PHF20: variants seen among roughly 807,000 people sequenced by gnomAD.
The protein encoded by PHF20 is glioma-expressed antigen 2.
Under a neutral mutation model 113.5 loss-of-function variants are expected in PHF20, and 23 were observed. The ratio of observed to expected loss-of-function variants is 0.20; its 90% CI spans 0.15 to 0.29. The LOEUF is 0.29. Ranked by LOEUF, PHF20 falls within the 10% of genes least tolerant of loss-of-function variation. The pLI, the probability that PHF20 is intolerant of heterozygous loss-of-function variation, is 1.00. For missense variants in PHF20, 943 were observed against 1,219.6 expected (o/e 0.77, Z 3.38); for synonymous variants, 434 against 457.3 (o/e 0.95, Z 0.65).
At chr20:35,858,495 C>A in intron 5 of PHF20, 114 bp downstream of exon 5, 1 of 583,502 alleles carries the variant, frequency 1.7e-6, no homozygotes, top group Non-Finnish European at 3.0e-6. Context: ...TTTCCTCCAT[C>A]TGACACAATT....
chr20:35,898,881 G>T (rs2055041218), intron 9 of PHF20, among the ~76,000 whole-genome samples: 1 of 152,116 alleles, frequency 6.6e-6, no homozygotes, highest in African/African-American at 2.4e-5. Context: ...AAAGTGCTGG[G>T]ATTACAGGTG....
At chr20:35,919,331 T>C (rs1485520793) in intron 13 of PHF20, among the ~76,000 whole-genome samples, 3 of 150,394 alleles carry the variant, frequency 2.0e-5, no homozygotes, top group Non-Finnish European at 3.0e-5. Context: ...ATTTTTGTTA[T>C]GGTAATTTTT....
chr20:35,797,393 A>C (rs2041687117), intron 1 of PHF20, among the ~76,000 whole-genome samples: 1 of 151,392 alleles, frequency 6.6e-6, no homozygotes, highest in African/African-American at 2.4e-5. Flanking sequence ...ATATGCCTGT[A>C]ATCACAGCTA....
intron 1 of PHF20, chr20:35,775,129 G>C (rs1315666273): frequency 1.3e-5 from 2 of 152,094 alleles, no homozygotes; most frequent in Non-Finnish European, 2.9e-5. Flanking sequence ...CACCCTTAAA[G>C]TATTCTACAC....
intron 17 of PHF20, among the ~76,000 whole-genome samples, chr20:35,945,599 TCCAGGGTCCA>T (rs1382915285): frequency 6.6e-6 from 1 of 152,006 alleles, no homozygotes; most frequent in Non-Finnish European, 1.5e-5. Context: ...TTTGCTGCAC[TCCAGGGTCCA>T]GAAGGTGCTC....
intron 6 of PHF20, among the ~76,000 whole-genome samples, chr20:35,863,700 T>C (rs1398926233): frequency 6.6e-6 from 1 of 152,202 alleles, no homozygotes; most frequent in Non-Finnish European, 1.5e-5. Context: ...GCTTATGCTT[T>C]TTCAAATGAT....
intron 4 of PHF20, among the ~76,000 whole-genome samples, chr20:35,853,713 G>A (rs944955323): frequency 2.0e-5 from 3 of 151,810 alleles, no homozygotes; most frequent in Admixed American, 1.3e-4. Flanking sequence ...AGCTAGGTTC[G>A]TACCACTACA....
At position 35,899,666 on chromosome 20, in the gene PHF20, TC is replaced by T. The variant is rs960463100; in HGVS notation, c.1561+19del. On this transcript the variant is annotated intron_variant, in intron 10 of 17. Transcript: ENST00000374012. ...TTCCCCAAGTAAGTATCTTCATTCT[TC>T]ATTGTGTCATGGATGGCTCAGTTGC... 13 of 1,611,800 alleles carry T rather than the reference TC, an allele frequency of 8.1e-6. No homozygotes were observed. The African/African-American group carries it at 1.6e-4, about 20-fold the overall frequency.
chr20:35,805,234 T>G (rs1215663141), intron 2 of PHF20, among the ~76,000 whole-genome samples: 1 of 151,876 alleles, frequency 6.6e-6, no homozygotes, highest in East Asian at 1.9e-4. Flanking sequence ...GGTCTCATTC[T>G]GTTGCTCAGG....
intron 16 of PHF20, 94 bp downstream of exon 16, chr20:35,939,202 AT>A (rs1600971925): frequency 7.7e-7 from 1 of 1,306,062 alleles, no homozygotes; most frequent in Non-Finnish European, 1.0e-6. Context: ...ATATTTATTA[AT>A]AAAACTGTAT....
At chr20:35,919,636 AT>A in intron 13 of PHF20, among the ~76,000 whole-genome samples, 1 of 151,998 alleles carries the variant, frequency 6.6e-6, no homozygotes. Flanking sequence ...ATACAGTTAC[AT>A]TTTTTCCTCT....
chr20:35,795,302 C>G (rs896870001), intron 1 of PHF20, among the ~76,000 whole-genome samples: 1 of 151,708 alleles, frequency 6.6e-6, no homozygotes, highest in Non-Finnish European at 1.5e-5. Context: ...GTGGTGCCAT[C>G]TTGGCTTACT....
rs748706262 is a variant in PHF20 at position 35,914,066 on chromosome 20, C to T, written c.1694C>T (p.Ser565Phe). The change falls in exon 12 of 18, where the codon TCC becomes TTC. Residue 565 changes from serine (S) to phenylalanine (F), a missense_variant. This residue lies in a region of PHF20 where 592 missense variants were observed against 787.2 expected (regional missense o/e 0.75). Transcript: ENST00000374012. ...CPCSEEISDT[S>F]QEPSPPKAFA... ...TGCAGTGAGGAGATCAGTGACACCT[C>T]CCAGGAACCTTCTCCACCCAAGGCA... is the stretch of plus-strand genomic sequence containing the variant. 4 of 1,614,182 alleles carry T rather than the reference C, an allele frequency of 2.5e-6. No homozygotes were observed. In the East Asian group the frequency reaches 8.9e-5, roughly 36 times the overall value.
chr20:35,819,033 C>T (rs776154158), intron 2 of PHF20, among the ~76,000 whole-genome samples: 3 of 151,804 alleles, frequency 2.0e-5, no homozygotes, highest in African/African-American at 4.8e-5. Flanking sequence ...TGGGTTCCAG[C>T]GATTCTCCTG....
At chr20:35,905,237 G>A (rs1252429051) in intron 10 of PHF20, among the ~76,000 whole-genome samples, 1 of 152,190 alleles carries the variant, frequency 6.6e-6, no homozygotes, top group Non-Finnish European at 1.5e-5. Context: ...TCTGTGTTAG[G>A]AACATGTAAA....
At chr20:35,909,813 C>T (rs1219545555) in intron 10 of PHF20, among the ~76,000 whole-genome samples, 1 of 152,132 alleles carries the variant, frequency 6.6e-6, no homozygotes, top group Non-Finnish European at 1.5e-5. Context: ...TGATGGTTAC[C>T]AAGTGCTAAT....
intron 1 of PHF20, among the ~76,000 whole-genome samples, chr20:35,781,720 A>C (rs938371588): frequency 6.6e-6 from 1 of 152,030 alleles, no homozygotes; most frequent in Admixed American, 6.6e-5. Flanking sequence ...TGAGGCAGGT[A>C]GATCACTTGA....
intron 9 of PHF20, among the ~76,000 whole-genome samples, chr20:35,876,377 C>A (rs1377681994): frequency 6.6e-6 from 1 of 151,790 alleles, no homozygotes; most frequent in Non-Finnish European, 1.5e-5. Flanking sequence ...TCGAGACCAG[C>A]CTGGCCAACA....
intron 4 of PHF20, among the ~76,000 whole-genome samples, chr20:35,848,531 G>A (rs1187384721): frequency 6.6e-6 from 1 of 151,946 alleles, no homozygotes; most frequent in Non-Finnish European, 1.5e-5. Flanking sequence ...GATTATAAGC[G>A]TGAGCCACCA....
Sources: allele counts gnomAD v4.1 joint callset (sites outside exome capture counted in the v4.1 genomes callset), GRCh38; gene constraint gnomAD v4.1.1; regional missense constraint gnomAD v4.1.1; transcripts MANE v1.5; gene names NCBI Gene and HGNC (gene_info 2026-07-23, HGNC 2026-07-21).